The following SUPT3H variants were observed in gnomAD, a reference collection of about 807,000 sequenced individuals.
SUPT3H encodes the protein transcription initiation protein SPT3 homolog.
SUPT3H carries 44 observed loss-of-function variants against 44.3 expected under a neutral mutation model. The observed-to-expected ratio is 0.99, with a 90% CI of 0.78 to 1.28. SUPT3H has a LOEUF of 1.28. Among genes scored for constraint, SUPT3H ranks in the 50% most tolerant of loss-of-function variants. The probability of loss-of-function intolerance (pLI) is 0.00; values close to 1 mark genes in which losing one functional copy is unlikely to be tolerated. For synonymous variants in SUPT3H, 124 were observed against 125.6 expected, an observed-to-expected ratio of 0.99 and a Z score of 0.09; for missense variants, 380 against 387.1, an observed-to-expected ratio of 0.98 and a Z score of 0.15.
intron 2 of SUPT3H, among the ~76,000 whole-genome samples, chr6:45,188,739 T>TA (rs997473473): frequency 6.0e-5 from 9 of 151,148 alleles, no homozygotes; most frequent in African/African-American, 9.7e-5. Context: ...TTTCATGATT[T>TA]AAAAAAAAAA....
intron 3 of SUPT3H, among the ~76,000 whole-genome samples, chr6:45,048,665 G>T (rs370054259): frequency 6.6e-6 from 1 of 152,048 alleles, no homozygotes; most frequent in Non-Finnish European, 1.5e-5. Flanking sequence ...GTGGGTAAAC[G>T]GATAAAGAAA....
rs1767815238 is a variant in SUPT3H at position 45,230,662 on chromosome 6, CTATAT to C, written c.102-124661_102-124657del. Among the ~76,000 whole-genome samples, 231 of 68,742 alleles carry C rather than the reference CTATAT, an allele frequency of 3.4e-3. 21 individuals carry two copies. The highest frequency in any genetic ancestry group is 0.011 in the African/African-American group (203 of 19,208). 45.1% of individuals were successfully genotyped at this position (68,742 alleles called of 152,430 possible). On this transcript the variant is annotated intron_variant, in intron 2 of 10. Transcript: ENST00000371459. ...AAATCATGTTTTAAATTCATTCAGT[CTATAT>C]ATATATATATATATATATATTTTTG...
In SUPT3H at chr6:45,283,700, A is replaced by C. The variant is rs952421002; in HGVS notation, c.101+81501T>G. On this transcript the variant is annotated intron_variant, in intron 2 of 10. Coordinates refer to ENST00000371459, the MANE Select transcript of SUPT3H (RefSeq NM_003599.4). ...AACGAGACAGAAAGTTAACAAGGATACCCAGGAATTGAACTCAGCTTTTCA... is the reference window on the plus strand; with the variant it reads ...AACGAGACAGAAAGTTAACAAGGATCCCCAGGAATTGAACTCAGCTTTTCA... Among the ~76,000 whole-genome samples, 10 of 152,056 alleles carry C rather than the reference A, an allele frequency of 6.6e-5. 1 individual carries two copies. Among genetic ancestry groups the C allele is most frequent in the Admixed American group, 2.6e-4 (4 of 15,260 alleles).
chr6:45,051,809 TGACA>T (rs1161273893), intron 3 of SUPT3H, among the ~76,000 whole-genome samples: 1 of 152,096 alleles, frequency 6.6e-6, no homozygotes, highest in Non-Finnish European at 1.5e-5. Context: ...TTAAATTAGG[TGACA>T]GACAATGGGA....
chr6:45,223,379 A>C (rs1766387693), intron 2 of SUPT3H, among the ~76,000 whole-genome samples: 3 of 152,146 alleles, frequency 2.0e-5, no homozygotes, highest in Admixed American at 2.0e-4. Context: ...CAAAATAAAA[A>C]GTTTAATTTT....
At chr6:45,186,759 A>G (rs1425010291) in intron 2 of SUPT3H, among the ~76,000 whole-genome samples, 1 of 152,170 alleles carries the variant, frequency 6.6e-6, no homozygotes, top group African/African-American at 2.4e-5. Context: ...GGATTTTCTG[A>G]CATTCCCATG....
At chr6:45,028,220 T>C (rs138000858) in intron 3 of SUPT3H, among the ~76,000 whole-genome samples, 99 of 152,328 alleles carry the variant, frequency 6.5e-4, no homozygotes, top group African/African-American at 2.2e-3. Context: ...ATTTCACCTT[T>C]CCACAAAGTA....
chr6:45,238,196 C>T (rs1474556870), intron 2 of SUPT3H, among the ~76,000 whole-genome samples: 2 of 152,104 alleles, frequency 1.3e-5, no homozygotes, highest in Non-Finnish European at 2.9e-5. Flanking sequence ...TGCCCCAACT[C>T]GAGAAATACT....
At chr6:44,980,124 A>T (rs533202538) in intron 6 of SUPT3H, among the ~76,000 whole-genome samples, 1 of 152,184 alleles carries the variant, frequency 6.6e-6, no homozygotes, top group African/African-American at 2.4e-5. Context: ...CCAGGGCCTC[A>T]ATCTCCTCCA....
chr6:45,278,726 C>T (rs569793207), intron 2 of SUPT3H, among the ~76,000 whole-genome samples: 22 of 152,234 alleles, frequency 1.4e-4, no homozygotes, highest in African/African-American at 5.3e-4. Context: ...AAGAATTACA[C>T]AGAGAAGAGT....
chr6:45,130,051 C>T lies in SUPT3H; in HGVS notation c.102-24045G>A, dbSNP rs577615751. On this transcript the variant is annotated intron_variant, in intron 2 of 10. Coordinates refer to ENST00000371459, the MANE Select transcript of SUPT3H (RefSeq NM_003599.4). ...ATATAAACATACCATAAAATTCACC[C>T]ATTTAAAGTGTACAGTTTAGTAGGT... Among the ~76,000 whole-genome samples, 61 of 152,232 alleles carry T rather than the reference C, an allele frequency of 4.0e-4. No homozygotes were observed. The South Asian group carries it at 9.1e-3, about 23-fold the overall frequency.
chr6:45,039,898 T>C (rs570728680), intron 3 of SUPT3H, among the ~76,000 whole-genome samples: 1 of 151,806 alleles, frequency 6.6e-6, no homozygotes, highest in Non-Finnish European at 1.5e-5. Context: ...TATGCTTGAA[T>C]AAAATGCACA....
At chr6:45,221,471 A>C (rs1766046298) in intron 2 of SUPT3H, among the ~76,000 whole-genome samples, 2 of 152,164 alleles carry the variant, frequency 1.3e-5, no homozygotes, top group African/African-American at 4.8e-5. Context: ...TGAAAACAGA[A>C]ATTAAAATAC....
At chr6:45,167,597 A>G (rs985174414) in intron 2 of SUPT3H, among the ~76,000 whole-genome samples, 2 of 151,222 alleles carry the variant, frequency 1.3e-5, no homozygotes, top group Non-Finnish European at 2.9e-5. Flanking sequence ...GATCAAACTC[A>G]ACATTTTTTA....
chr6:45,091,544 A>T (rs1342903218), intron 3 of SUPT3H, among the ~76,000 whole-genome samples: 1 of 152,024 alleles, frequency 6.6e-6, no homozygotes, highest in Non-Finnish European at 1.5e-5. Context: ...TGAATTCCCT[A>T]TCTACTACTT....
At chr6:45,283,621 C>T (rs183965725) in intron 2 of SUPT3H, among the ~76,000 whole-genome samples, 19 of 152,088 alleles carry the variant, frequency 1.2e-4, no homozygotes, top group African/African-American at 4.6e-4. Flanking sequence ...ACTTAGACTC[C>T]CACACGATAA....
chr6:45,335,111 A>C lies in SUPT3H; in HGVS notation c.101+30090T>G, dbSNP rs144065325. Among the ~76,000 whole-genome samples the C allele has an allele frequency of 5.9e-5, 9 of 151,332 alleles. No homozygotes were observed. The East Asian group carries it at 1.7e-3, about 29-fold the overall frequency. ...GCTAAACAGGTATATTTTCTCATTGACCATGTAACCTGGGTAAACAATTTA... is the reference window on the plus strand; with the variant it reads ...GCTAAACAGGTATATTTTCTCATTGCCCATGTAACCTGGGTAAACAATTTA... On this transcript the variant is annotated intron_variant, in intron 2 of 10. Transcript: ENST00000371459.
intron 2 of SUPT3H, among the ~76,000 whole-genome samples, chr6:45,220,104 T>C (rs1181448984): frequency 9.8e-6 from 1 of 102,084 alleles, no homozygotes; most frequent in Non-Finnish European, 2.2e-5. Context: ...AAAAAAAAGA[T>C]GAGAAAATGC....
At chr6:45,278,625 G>A (rs1470242333) in intron 2 of SUPT3H, among the ~76,000 whole-genome samples, 1 of 152,162 alleles carries the variant, frequency 6.6e-6, no homozygotes, top group Non-Finnish European at 1.5e-5. Context: ...AGTCACAGCT[G>A]TTACTTTTTC....
Sources: allele counts gnomAD v4.1 joint callset (sites outside exome capture counted in the v4.1 genomes callset), GRCh38; gene constraint gnomAD v4.1.1; transcripts MANE v1.5; gene names NCBI Gene and HGNC (gene_info 2026-07-23, HGNC 2026-07-21).